SCUBE3: variants seen among roughly 807,000 people sequenced by gnomAD.
The protein encoded by SCUBE3 is signal peptide, CUB domain and EGF like domain containing 3.
In SCUBE3, 33 loss-of-function variants were observed where a neutral mutation model predicts 116.8. The ratio of observed to expected loss-of-function variants is 0.28; its 90% CI spans 0.21 to 0.38. The LOEUF (loss-of-function observed/expected upper bound fraction) is 0.38. Among genes scored for constraint, SCUBE3 ranks in the 10% least tolerant of loss-of-function variants. The pLI, the probability that SCUBE3 is intolerant of heterozygous loss-of-function variation, is 1.00. For missense variants in SCUBE3, 1,007 were observed against 1,324.8 expected (o/e 0.76, Z 3.72); for synonymous variants, 418 against 496.9 (o/e 0.84, Z 2.11).
Position 35,235,358 on chromosome 6 carries a change from G to A in SCUBE3, c.712+2057G>A. 1.9e-6 allele frequency: 1 copy of A among 535,346 alleles called. No homozygotes were observed. The highest frequency in any genetic ancestry group is 3.3e-6 in the Non-Finnish European group (1 of 301,038). 33.2% of individuals were successfully genotyped at this position (535,346 alleles called of 1,614,324 possible). A position where few individuals can be genotyped will look rare whatever the true frequency, so the allele number is the denominator to read the frequency against. ...GGCTACTGGTTTGGGCTGGCAGTGGGGAGGAGAGGGTGGGGAGGGGTCCGG... is the reference window on the plus strand; with the variant it reads ...GGCTACTGGTTTGGGCTGGCAGTGGAGAGGAGAGGGTGGGGAGGGGTCCGG... On this transcript the variant is annotated intron_variant, in intron 6 of 21. Transcript: ENST00000274938. The surrounding 1 kb of genome is among the most constrained non-coding windows in gnomAD (Gnocchi z 4.5).
At position 35,232,439 on chromosome 6, in the gene SCUBE3, T is replaced by C. The variant is rs1783588842; in HGVS notation, c.470-411T>C. On this transcript the variant is annotated intron_variant, in intron 4 of 21. Transcript: ENST00000274938. The surrounding 1 kb of genome is among the most constrained non-coding windows in gnomAD (Gnocchi z 4.2). Reference sequence around the variant, plus strand: ...AATTACCCTCCACTCTCATTGTAGATCTGATTGCTACTGATCTTCTTCCCA... The same window carrying C: ...AATTACCCTCCACTCTCATTGTAGACCTGATTGCTACTGATCTTCTTCCCA... 6.6e-6 allele frequency among the ~76,000 whole-genome samples: 1 copy of C among 152,336 alleles called. No individual in the cohort carries two copies. Among genetic ancestry groups the C allele is most frequent in the East Asian group, 1.9e-4 (1 of 5,192 alleles).
chr6:35,229,495 A>G (rs1052986511), intron 3 of SCUBE3, among the ~76,000 whole-genome samples: 1 of 152,176 alleles, frequency 6.6e-6, no homozygotes, highest in Non-Finnish European at 1.5e-5. Flanking sequence ...AGCCCTGTAC[A>G]ATCCTTAGCA....
intron 21 of SCUBE3, among the ~76,000 whole-genome samples, chr6:35,247,755 T>C (rs1220155406): frequency 6.6e-6 from 1 of 152,194 alleles, no homozygotes; most frequent in Non-Finnish European, 1.5e-5. Context: ...AAAAATCCAC[T>C]GACGCCATGG....
chr6:35,217,098 T>C (rs553573477), intron 1 of SCUBE3, among the ~76,000 whole-genome samples: 1 of 151,254 alleles, frequency 6.6e-6, no homozygotes, highest in African/African-American at 2.4e-5. Flanking sequence ...TGAGGGGACA[T>C]GGTTTTGAGT....
At position 35,233,227 on chromosome 6, in the gene SCUBE3, A is replaced by G; in HGVS notation, c.638A>G (p.Asp213Gly). The G allele has an allele frequency of 6.2e-7, 1 of 1,613,808 alleles. No homozygotes were observed. The highest frequency in any genetic ancestry group is 8.5e-7 in the Non-Finnish European group (1 of 1,179,828). Reference sequence around the variant, plus strand: ...AACGGCGGCTGCCAGCACACGTGTGATGACACAGAGCAGGGTCCCCGGTGC... The same window carrying G: ...AACGGCGGCTGCCAGCACACGTGTGGTGACACAGAGCAGGGTCCCCGGTGC... ...YGNGGCQHTC[D>G]DTEQGPRCGC... The change falls in exon 6 of 22, where the codon GAT becomes GGT. Residue 213 changes from aspartate to glycine, a missense_variant. Transcript: ENST00000274938. The surrounding 1 kb of genome is among the most constrained non-coding windows in gnomAD (Gnocchi z 5.7).
Position 35,214,512 on chromosome 6 carries a change from G to C in SCUBE3, c.85+9G>C. 6.8e-7 allele frequency: 1 copy of C among 1,465,978 alleles called. No individual in the cohort carries two copies. The highest frequency in any genetic ancestry group is 1.4e-5 in the African/African-American group (1 of 68,990). 90.8% of individuals were successfully genotyped at this position (1,465,978 alleles called of 1,614,324 possible). A position where few individuals can be genotyped will look rare whatever the true frequency, so the allele number is the denominator to read the frequency against. On this transcript the variant is annotated intron_variant, in intron 1 of 21. Coordinates refer to ENST00000274938, the MANE Select transcript of SCUBE3 (RefSeq NM_152753.4). The surrounding 1 kb of genome is among the most constrained non-coding windows in gnomAD (Gnocchi z 6.3). ...CAGCAAAGCCGCGCAAGGTAAGGAAGGAGGGGCGCGCGGCCTGGGGGCTGT... is the reference window on the plus strand; with the variant it reads ...CAGCAAAGCCGCGCAAGGTAAGGAACGAGGGGCGCGCGGCCTGGGGGCTGT...
rs1784325377 is a variant in SCUBE3, at chr6:35,246,089, C to G, written c.2745C>G (p.Thr915=). The G allele has an allele frequency of 3.1e-6, 5 of 1,614,112 alleles. No individual in the cohort carries two copies. In the East Asian group the frequency reaches 1.1e-4, roughly 36 times the overall value. Reference sequence around the variant, plus strand: ...GTGGCTTCCAGATTCCCTATGTTACCTATGATGGTAAGCCAAGGAGGTGGG... The same window carrying G: ...GTGGCTTCCAGATTCCCTATGTTACGTATGATGGTAAGCCAAGGAGGTGGG... The part of the protein sequence containing the change: ...SARGFQIPYV[T]YDEDYEQLVE... The change falls in exon 20 of 22, where the codon ACC becomes ACG. Residue 915 remains threonine (T), a synonymous_variant. Coordinates refer to ENST00000274938, the MANE Select transcript of SCUBE3 (RefSeq NM_152753.4).
rs2150315291 is a variant in SCUBE3 at position 35,245,445 on chromosome 6, G to A, written c.2599+20G>A. 6.2e-7 allele frequency: 1 copy of A among 1,608,948 alleles called. No individual in the cohort carries two copies. Among genetic ancestry groups the A allele is most frequent in the Middle Eastern group, 1.7e-4 (1 of 6,050 alleles). ...AGAACTGTGGGTGGCTTGCAGAGCT[G>A]GGCCAGGGAAGGGCAGTCCAAATCT... On this transcript the variant is annotated intron_variant, in intron 19 of 21. Coordinates refer to ENST00000274938, the MANE Select transcript of SCUBE3 (RefSeq NM_152753.4). The surrounding 1 kb of genome is among the most constrained non-coding windows in gnomAD (Gnocchi z 4.2).
rs1783913955 is a variant in SCUBE3 at position 35,239,178 on chromosome 6, C to T, written c.830-574C>T. ...GTCCAGCCCCTTGCCTGGCCCCCAG[C>T]CCTCCCCCATCAGCTACCCAGCCTC... On this transcript the variant is annotated intron_variant, in intron 7 of 21. Transcript: ENST00000274938. This position sits in a 1 kb window ranked among gnomAD's most constrained non-coding sequence, Gnocchi z 4.1. 6.6e-6 allele frequency among the ~76,000 whole-genome samples: 1 copy of T among 152,006 alleles called. No homozygotes were observed. The highest frequency in any genetic ancestry group is 6.5e-5 in the Admixed American group (1 of 15,268).
chr6:35,246,349 T>C, intron 21 of SCUBE3, 64 bp downstream of exon 21: 1 of 1,149,920 alleles, frequency 8.7e-7, no homozygotes, highest in Non-Finnish European at 1.3e-6. Flanking sequence ...ATATAGGCAA[T>C]AGGCTAAGTG....
chr6:35,246,109 G>A lies in SCUBE3; in HGVS notation c.2752+13G>A. On this transcript the variant is annotated intron_variant, in intron 20 of 21. Transcript: ENST00000274938. The stretch of plus-strand genomic sequence containing the variant: ...GTTACCTATGATGGTAAGCCAAGGA[G>A]GTGGGTGAGAAGGGGAGGTATGTCA... 1 of 1,614,048 alleles carries A rather than the reference G, an allele frequency of 6.2e-7. No homozygotes were observed. The highest frequency in any genetic ancestry group is 8.5e-7 in the Non-Finnish European group (1 of 1,179,920).
Position 35,231,785 on chromosome 6 carries a change from G to C in SCUBE3, c.395G>C (p.Gly132Ala), listed in dbSNP as rs1225414808. ...CAGCAGAGCTGTGTCAACATGATGG[G>C]CAGCTATGAGTGCCACTGCCGGGAA... ...GCQQSCVNMM[G>A]SYECHCREGF... Residue 132 changes from glycine (G) to alanine (A), a missense_variant, in exon 4 of 22, where the codon GGC becomes GCC. Physicochemically the swap from Gly to Ala is moderately conservative, Grantham distance 60. Coordinates refer to ENST00000274938, the MANE Select transcript of SCUBE3 (RefSeq NM_152753.4). The surrounding 1 kb of genome is among the most constrained non-coding windows in gnomAD (Gnocchi z 4.2). 1 of 1,613,640 alleles carries C rather than the reference G, an allele frequency of 6.2e-7. No homozygotes were observed. The highest frequency in any genetic ancestry group is 1.1e-5 in the South Asian group (1 of 91,068).
At chr6:35,227,807 C>T (rs1313850090) in intron 2 of SCUBE3, 105 bp downstream of exon 2, 7 of 1,248,050 alleles carry the variant, frequency 5.6e-6, no homozygotes, top group Non-Finnish European at 1.1e-6. Context: ...CTAGAAATTC[C>T]ACTGGTCAAG....
In SCUBE3 at chr6:35,251,234, A is replaced by C. The variant is rs912117757; in HGVS notation, c.*2529A>C. 9.5e-5 allele frequency: 14 copies of C among 146,988 alleles called. No homozygotes were observed. Among genetic ancestry groups the C allele is most frequent in the African/African-American group, 3.5e-4 (14 of 39,748 alleles). 9.1% of individuals were successfully genotyped at this position (146,988 alleles called of 1,614,324 possible). On this transcript the variant is annotated 3_prime_UTR_variant, in exon 22 of 22. Coordinates refer to ENST00000274938, the MANE Select transcript of SCUBE3 (RefSeq NM_152753.4). ...AATGGTGCTATCTCGGCCTACTGCA[A>C]CCTCCGCCTCCCAGGCTCAAGCAAT...
In SCUBE3 at chr6:35,244,631, C is replaced by T. The variant is rs750837509; in HGVS notation, c.2240-19C>T. 3.1e-6 allele frequency: 5 copies of T among 1,610,378 alleles called. No homozygotes were observed. The highest frequency in any genetic ancestry group is 4.2e-6 in the Non-Finnish European group (5 of 1,177,022). On this transcript the variant is annotated intron_variant, in intron 17 of 21. Transcript: ENST00000274938. This position sits in a 1 kb window ranked among gnomAD's most constrained non-coding sequence, Gnocchi z 4.3. ...ACCTGCCTACCATCTTGATTCCTGC[C>T]CTTCTCCCTTGCCTACAGTCCAGTG...
In SCUBE3 at chr6:35,231,588, G is replaced by C; in HGVS notation, c.335-137G>C. 1 of 614,296 alleles carries C rather than the reference G, an allele frequency of 1.6e-6. No homozygotes were observed. The highest frequency in any genetic ancestry group is 2.6e-6 in the Non-Finnish European group (1 of 389,668). 38.1% of individuals were successfully genotyped at this position (614,296 alleles called of 1,614,324 possible). Reference sequence around the variant, plus strand: ...CACTTAGTGAAATATTAGCTGACAAGGGTGTGAGGACTTCCTGGCTTAAGG... The same window carrying C: ...CACTTAGTGAAATATTAGCTGACAACGGTGTGAGGACTTCCTGGCTTAAGG... On this transcript the variant is annotated intron_variant, in intron 3 of 21. Coordinates refer to ENST00000274938, the MANE Select transcript of SCUBE3 (RefSeq NM_152753.4). This position sits in a 1 kb window ranked among gnomAD's most constrained non-coding sequence, Gnocchi z 4.2.
chr6:35,217,489 A>C (rs531121935), intron 1 of SCUBE3, among the ~76,000 whole-genome samples: 2 of 147,134 alleles, frequency 1.4e-5, no homozygotes, highest in Middle Eastern at 7.4e-3. Flanking sequence ...TGGGACTGAG[A>C]GCGTTCATGT....
intron 1 of SCUBE3, chr6:35,220,369 A>G (rs144847113): frequency 1.4e-4 from 22 of 152,364 alleles, no homozygotes; most frequent in African/African-American, 4.8e-4. Context: ...TAGTGAAATT[A>G]TACGAATCTG....
At chr6:35,246,429 T>A (rs568181135) in intron 21 of SCUBE3, 144 bp downstream of exon 21, 2 of 650,332 alleles carry the variant, frequency 3.1e-6, no homozygotes, top group East Asian at 5.6e-5. Flanking sequence ...ATTGCTTCTT[T>A]ACAGATGGGA....
Sources: gnomAD v4.1 joint callset for allele counts (sites outside exome capture counted in the v4.1 genomes callset) on GRCh38, gnomAD v4.1.1 for gene constraint, Gnocchi (gnomAD v3.1) non-coding constraint, MANE v1.5 for transcripts, NCBI Gene and HGNC (gene_info 2026-07-23, HGNC 2026-07-21) for gene names.